TMEM117: variants seen among roughly 807,000 people sequenced by gnomAD.
TMEM117 encodes transmembrane protein 117.
A neutral mutation model predicts 52.4 loss-of-function variants in TMEM117; 27 were observed. The ratio of observed to expected loss-of-function variants is 0.51; its 90% CI spans 0.38 to 0.71. TMEM117 has a LOEUF of 0.71. Ranked by LOEUF, TMEM117 falls within the 30% of genes least tolerant of loss-of-function variation. The pLI is 0.00. For synonymous variants in TMEM117, 215 were observed against 206.3 expected, an observed-to-expected ratio of 1.04 and a Z score of -0.36; for missense variants, 556 against 630.5, an observed-to-expected ratio of 0.88 and a Z score of 1.26.
At chr12:43,982,204 T>G (rs112551250) in intron 3 of TMEM117, among the ~76,000 whole-genome samples, 1,594 of 152,324 alleles carry the variant, frequency 0.01, 25 homozygotes, top group East Asian at 0.036. Flanking sequence ...GTTCATTCTT[T>G]TAAGGTGAGA....
intron 4 of TMEM117, among the ~76,000 whole-genome samples, chr12:44,201,075 T>C (rs1223795949): frequency 1.3e-5 from 2 of 152,146 alleles, no homozygotes; most frequent in African/African-American, 2.4e-5. Context: ...AAACATATTA[T>C]ATTGAATTTT....
At chr12:44,379,670 T>G (rs1951993069) in intron 7 of TMEM117, among the ~76,000 whole-genome samples, 1 of 152,210 alleles carries the variant, frequency 6.6e-6, no homozygotes, top group Admixed American at 6.5e-5. Context: ...GACAATTGTT[T>G]CTGTGGAAAA....
chr12:44,040,876 G>A (rs1946786367), intron 3 of TMEM117, among the ~76,000 whole-genome samples: 1 of 152,046 alleles, frequency 6.6e-6, no homozygotes, highest in Non-Finnish European at 1.5e-5. Context: ...TCATTGAGAT[G>A]GTCATATACT....
chr12:43,835,742 T>C (rs1943014312), upstream of TMEM117, among the ~76,000 whole-genome samples: 1 of 152,150 alleles, frequency 6.6e-6, no homozygotes, highest in South Asian at 2.1e-4. Flanking sequence ...CCTGAGTCCG[T>C]CCCTCGCCTG....
chr12:44,375,956 A>G (rs546811346), intron 6 of TMEM117, among the ~76,000 whole-genome samples: 2 of 152,310 alleles, frequency 1.3e-5, no homozygotes, highest in Non-Finnish European at 2.9e-5. Context: ...CTTGACAACC[A>G]GGAAATATCT....
intron 4 of TMEM117, among the ~76,000 whole-genome samples, chr12:44,166,699 C>T (rs966982624): frequency 1.3e-5 from 2 of 152,082 alleles, no homozygotes; most frequent in African/African-American, 2.4e-5. Context: ...TTTATTAGTC[C>T]TCTAGTCAAA....
At chr12:44,206,118 AT>A (rs920446570) in intron 4 of TMEM117, among the ~76,000 whole-genome samples, 2 of 152,084 alleles carry the variant, frequency 1.3e-5, no homozygotes, top group African/African-American at 4.8e-5. Context: ...TTATTTTATT[AT>A]TTTTTTATTA....
At chr12:44,042,676 G>T (rs1053757779) in intron 3 of TMEM117, among the ~76,000 whole-genome samples, 2 of 151,706 alleles carry the variant, frequency 1.3e-5, no homozygotes, top group Admixed American at 6.6e-5. Context: ...TCAGTTTTGG[G>T]ACTCGGACTG....
chr12:44,309,935 ACT>A (rs1454207110), intron 6 of TMEM117, among the ~76,000 whole-genome samples: 1 of 152,170 alleles, frequency 6.6e-6, no homozygotes, highest in Non-Finnish European at 1.5e-5. Flanking sequence ...TGACGGGAAC[ACT>A]CTTGCAATAG....
At chr12:44,122,048 C>CTTTTT (rs201865850) in intron 3 of TMEM117, among the ~76,000 whole-genome samples, 6 of 138,818 alleles carry the variant, frequency 4.3e-5, no homozygotes, top group Non-Finnish European at 4.7e-5. Context: ...CTTTTCTTTT[C>CTTTTT]TTTTTTTTTT....
chr12:44,303,217 AT>A (rs761870630), intron 6 of TMEM117, among the ~76,000 whole-genome samples: 63 of 144,164 alleles, frequency 4.4e-4, no homozygotes, highest in Non-Finnish European at 3.7e-4. Flanking sequence ...CTAATTTTGT[AT>A]TTTTTTTTTT....
chr12:43,818,414 G>T, the TMEM117 span, among the ~76,000 whole-genome samples: 2 of 147,844 alleles, frequency 1.4e-5, no homozygotes, highest in Non-Finnish European at 3.0e-5. Context: ...TTTGAAATTT[G>T]TATCTGTTTT....
At chr12:43,865,108 T>C (rs1943565661) in intron 2 of TMEM117, among the ~76,000 whole-genome samples, 1 of 152,146 alleles carries the variant, frequency 6.6e-6, no homozygotes, top group Non-Finnish European at 1.5e-5. Flanking sequence ...CCGGACCCGC[T>C]GCCTTTAAGA....
chr12:44,107,594 A>C (rs1000918113), intron 3 of TMEM117, among the ~76,000 whole-genome samples: 1 of 152,140 alleles, frequency 6.6e-6, no homozygotes, highest in Non-Finnish European at 1.5e-5. Flanking sequence ...ATAGTAATGA[A>C]GGGTAAACAG....
chr12:43,816,912 G>A, the TMEM117 span, among the ~76,000 whole-genome samples: 2 of 152,178 alleles, frequency 1.3e-5, no homozygotes, highest in African/African-American at 4.8e-5. Flanking sequence ...CAACCTGAAT[G>A]CATTAGGAAT....
intron 3 of TMEM117, among the ~76,000 whole-genome samples, chr12:44,000,706 T>G (rs1376578091): frequency 1.3e-5 from 2 of 152,092 alleles, no homozygotes; most frequent in South Asian, 4.1e-4. Context: ...GAAAATTGAA[T>G]CTCCCTGGAG....
intron 2 of TMEM117, among the ~76,000 whole-genome samples, chr12:43,937,018 G>A (rs1460521442): frequency 6.6e-6 from 1 of 152,156 alleles, no homozygotes; most frequent in East Asian, 1.9e-4. Flanking sequence ...AAGGATGGCT[G>A]GACCAAGTCC....
intron 5 of TMEM117, among the ~76,000 whole-genome samples, chr12:44,236,723 A>G (rs1592629880): frequency 6.6e-6 from 1 of 152,258 alleles, no homozygotes; most frequent in Middle Eastern, 3.4e-3. Context: ...AATTTCAGGC[A>G]TAAGAGGATA....
chr12:43,825,287 G>A, the TMEM117 span, among the ~76,000 whole-genome samples: 4 of 152,190 alleles, frequency 2.6e-5, no homozygotes, highest in Admixed American at 2.6e-4. Flanking sequence ...GAGGGAAGGG[G>A]GCTGGCCTAC....
Sources: allele counts gnomAD v4.1 joint callset (sites outside exome capture counted in the v4.1 genomes callset), GRCh38; gene constraint gnomAD v4.1.1; transcripts MANE v1.5; gene names NCBI Gene and HGNC (gene_info 2026-07-23, HGNC 2026-07-21).